HIVEP1: variants seen among roughly 807,000 people sequenced by gnomAD.
HIVEP1 encodes the protein zinc finger protein 40.
In HIVEP1, 36 loss-of-function variants were observed where a neutral mutation model predicts 180.0. That is an observed-to-expected ratio of 0.20 (90% CI 0.15 to 0.26). The LOEUF (loss-of-function observed/expected upper bound fraction) is 0.26, where lower values mean the gene tolerates loss of function less well. Among genes scored for constraint, HIVEP1 ranks in the 10% least tolerant of loss-of-function variants. The probability of loss-of-function intolerance (pLI) is 1.00; values close to 1 mark genes in which losing one functional copy is unlikely to be tolerated. For synonymous variants in HIVEP1, 1,239 were observed against 1,239.0 expected, an observed-to-expected ratio of 1.00 and a Z score of 0.00; for missense variants, 3,143 against 3,268.7, an observed-to-expected ratio of 0.96 and a Z score of 0.94.
At chr6:12,009,552 C>T (rs1276578604), upstream of HIVEP1, among the ~76,000 whole-genome samples, 1 of 152,136 alleles carries the variant, frequency 6.6e-6, no homozygotes, top group Non-Finnish European at 1.5e-5. Flanking sequence ...TTACCATTCA[C>T]ATTCATCCTC....
At chr6:12,029,336 GGT>G (rs1416703284) in intron 2 of HIVEP1, among the ~76,000 whole-genome samples, 1 of 152,188 alleles carries the variant, frequency 6.6e-6, no homozygotes, top group Non-Finnish European at 1.5e-5. Flanking sequence ...CACTGTTGCA[GGT>G]GTGTCTTTTG....
chr6:12,144,370 A>G (rs1759234996), intron 7 of HIVEP1, among the ~76,000 whole-genome samples: 1 of 152,216 alleles, frequency 6.6e-6, no homozygotes, highest in African/African-American at 2.4e-5. Flanking sequence ...ACCTTATACA[A>G]AAATTGATTC....
intron 2 of HIVEP1, among the ~76,000 whole-genome samples, chr6:12,060,462 AT>A: frequency 6.6e-6 from 1 of 152,316 alleles, no homozygotes; most frequent in East Asian, 1.9e-4. Context: ...AAGTAAAAAT[AT>A]TTTTTAAAAC....
At chr6:12,181,962 G>A in the HIVEP1 span, among the ~76,000 whole-genome samples, 10 of 152,224 alleles carry the variant, frequency 6.6e-5, no homozygotes, top group South Asian at 2.1e-3. Context: ...GATCAGAGCC[G>A]AGATATGGAA....
chr6:12,061,288 C>T (rs1475337814), intron 2 of HIVEP1, among the ~76,000 whole-genome samples: 1 of 152,166 alleles, frequency 6.6e-6, no homozygotes, highest in African/African-American at 2.4e-5. Flanking sequence ...CAAATGTACA[C>T]CCTGGTTATA....
Position 12,129,780 on chromosome 6 carries a change from T to A in HIVEP1, c.6097T>A (p.Ser2033Thr), listed in dbSNP as rs1407636883. ...LSKRALGNQK[S>T]TVVEFSNKDA... is the part of the protein sequence containing the mutation. ...TCAGAGAGCATTAGGTAATCAAAAG[T>A]CCACAGTAGTTGAATTCAGCAATAA... is the stretch of plus-strand genomic sequence containing the variant. The change falls in exon 5 of 9, where the codon TCC (serine) becomes ACC (threonine). Residue 2033 changes from serine (S) to threonine (T), a missense_variant. This residue lies in a region of HIVEP1 where 1,357 missense variants were observed against 1,260.5 expected (regional missense o/e 1.08). Coordinates refer to ENST00000379388, the MANE Select transcript of HIVEP1 (RefSeq NM_002114.4). 3.1e-6 allele frequency: 5 copies of A among 1,604,502 alleles called. No homozygotes were observed. In the African/African-American group the frequency reaches 5.4e-5, roughly 17 times the overall value.
At chr6:12,059,749 T>A (rs1771110600) in intron 2 of HIVEP1, among the ~76,000 whole-genome samples, 1 of 152,156 alleles carries the variant, frequency 6.6e-6, no homozygotes, top group Non-Finnish European at 1.5e-5. Context: ...TCAGCTGGGA[T>A]GGGTTGGGGC....
intron 2 of HIVEP1, among the ~76,000 whole-genome samples, chr6:12,066,453 C>G (rs552642314): frequency 2.0e-5 from 3 of 152,172 alleles, no homozygotes; most frequent in Non-Finnish European, 4.4e-5. Context: ...CAAATGGCAG[C>G]AGCTGATAAA....
At chr6:12,183,062 T>C in the HIVEP1 span, among the ~76,000 whole-genome samples, 2 of 152,078 alleles carry the variant, frequency 1.3e-5, no homozygotes, top group African/African-American at 4.8e-5. Context: ...ACAGGACATT[T>C]AAAGGGAGAA....
chr6:12,173,231 T>G, the HIVEP1 span, among the ~76,000 whole-genome samples: 2 of 152,180 alleles, frequency 1.3e-5, no homozygotes, highest in African/African-American at 4.8e-5. Context: ...TTTTGAGTAT[T>G]GACATTGTTG....
At chr6:12,094,519 T>G (rs1481042143) in intron 3 of HIVEP1, among the ~76,000 whole-genome samples, 1 of 152,002 alleles carries the variant, frequency 6.6e-6, no homozygotes, top group Admixed American at 6.6e-5. Context: ...GTTGAAATTA[T>G]TTTTAAAAAT....
the HIVEP1 span, among the ~76,000 whole-genome samples, chr6:12,185,355 G>A: frequency 4.6e-5 from 7 of 152,214 alleles, no homozygotes; most frequent in South Asian, 4.1e-4. Context: ...AAAGCTGCAC[G>A]GAAGCGTAGC....
Position 12,122,918 on chromosome 6 carries a change from A to T in HIVEP1, c.3123A>T (p.Glu1041Asp), listed in dbSNP as rs369783913. 2.9e-5 allele frequency: 47 copies of T among 1,613,912 alleles called. No homozygotes were observed. The highest frequency in any genetic ancestry group is 3.6e-5 in the Non-Finnish European group (43 of 1,180,000). The change falls in exon 4 of 9, where the codon GAA becomes GAT. Residue 1041 changes from glutamate (E) to aspartate (D), a missense_variant. By Grantham distance (45) the Glu-to-Asp change is conservative (BLOSUM62 2). This residue lies in a region of HIVEP1 where 1,357 missense variants were observed against 1,260.5 expected (regional missense o/e 1.08). Transcript: ENST00000379388. The stretch of plus-strand genomic sequence containing the variant: ...AAATGAAAAGTGTTGGGGATGATGA[A>T]GAACTTCAGCAAAATGAAAGTGGAA... Reference protein sequence around the residue: ...RRKMKSVGDDEELQQNESGTS... With the variant: ...RRKMKSVGDDDELQQNESGTS...
chr6:12,183,459 G>A, the HIVEP1 span, among the ~76,000 whole-genome samples: 1 of 152,178 alleles, frequency 6.6e-6, no homozygotes, highest in Non-Finnish European at 1.5e-5. Flanking sequence ...CTACGTTATG[G>A]AGTTCTTGGA....
Position 12,109,136 on chromosome 6 carries a change from C to T in HIVEP1, c.95-10754C>T, listed in dbSNP as rs1195697759. On this transcript the variant is annotated intron_variant, in intron 3 of 8. Coordinates refer to ENST00000379388, the MANE Select transcript of HIVEP1 (RefSeq NM_002114.4). ...CTGGGACTACAGGCGCCTGCCACCACGCCCGGCTAATTTTTTAAATTTTTT... is the reference window on the plus strand; with the variant it reads ...CTGGGACTACAGGCGCCTGCCACCATGCCCGGCTAATTTTTTAAATTTTTT... Among the ~76,000 whole-genome samples, 15 of 148,426 alleles carry T rather than the reference C, an allele frequency of 1.0e-4. No homozygotes were observed. The South Asian group carries it at 1.8e-3, about 18-fold the overall frequency.
At chr6:12,058,350 C>A in intron 2 of HIVEP1, among the ~76,000 whole-genome samples, 1 of 152,004 alleles carries the variant, frequency 6.6e-6, no homozygotes, top group South Asian at 2.1e-4. Flanking sequence ...TAGAAATTGT[C>A]AAAAGGAAGT....
chr6:12,119,120 T>G (rs1157620031), intron 3 of HIVEP1, among the ~76,000 whole-genome samples: 3 of 152,206 alleles, frequency 2.0e-5, no homozygotes, highest in Non-Finnish European at 2.9e-5. Context: ...GAAAGATTAA[T>G]GGCAAGGCAG....
At chr6:12,104,362 TTCTCTCTCTCTCTCTTTCTC>T in intron 3 of HIVEP1, among the ~76,000 whole-genome samples, 1 of 149,930 alleles carries the variant, frequency 6.7e-6, no homozygotes, top group East Asian at 1.9e-4. Flanking sequence ...ATCTGACTTA[TTCTCTCTCTCTCTCTTTCTC>T]TCTCTCTCTT....
In HIVEP1 at chr6:12,063,660, A is replaced by G. The variant is rs1321855439; in HGVS notation, c.41-25524A>G. ...GTGGGCAGCTTGGAGAGGTTTTTGG[A>G]GGAAGAATCAGAGGACTTGGGGATT... On this transcript the variant is annotated intron_variant, in intron 2 of 8. Transcript: ENST00000379388. This position sits in a 1 kb window ranked among gnomAD's most constrained non-coding sequence, Gnocchi z 4.2. Among the ~76,000 whole-genome samples the G allele has an allele frequency of 1.3e-5, 2 of 152,218 alleles. No homozygotes were observed. The highest frequency in any genetic ancestry group is 1.3e-4 in the Admixed American group (2 of 15,296).
Sources: gnomAD v4.1 joint callset for allele counts (sites outside exome capture counted in the v4.1 genomes callset) on GRCh38, gnomAD v4.1.1 for gene constraint, gnomAD v4.1.1 regional missense constraint, Gnocchi (gnomAD v3.1) non-coding constraint, MANE v1.5 for transcripts, NCBI Gene and HGNC (gene_info 2026-07-23, HGNC 2026-07-21) for gene names.